Variants in MCC observed in about 807,000 individuals in gnomAD.
MCC encodes the protein MCC regulator of Wnt signaling pathway.
In MCC, 90 loss-of-function variants were observed where a neutral mutation model predicts 116.2. The observed-to-expected ratio is 0.77, with a 90% CI of 0.65 to 0.92. The LOEUF is 0.92. Among genes scored for constraint, MCC ranks in the 40% least tolerant of loss-of-function variants. The pLI, the probability that MCC is intolerant of heterozygous loss-of-function variation, is 0.00. For missense variants in MCC, 1,516 were observed against 1,312.2 expected (o/e 1.16, Z -2.40); for synonymous variants, 578 against 510.5 (o/e 1.13, Z -1.78).
rs1754533337 is a variant in MCC at position 113,077,419 on chromosome 5, C to G, written c.1784+5441G>C. Among the ~76,000 whole-genome samples the G allele has an allele frequency of 2.0e-5, 3 of 152,180 alleles. No individual in the cohort carries two copies. In the South Asian group the frequency reaches 6.2e-4, roughly 32 times the overall value. Reference sequence around the variant, plus strand: ...GTGTAGTTAGAAGGAAAGCACTCCTCAGCAAATGGAAAAGAATAGAAATTA... The same window carrying G: ...GTGTAGTTAGAAGGAAAGCACTCCTGAGCAAATGGAAAAGAATAGAAATTA... On this transcript the variant is annotated intron_variant, in intron 11 of 18. Transcript: ENST00000408903.
At chr5:113,092,977 G>A (rs901533076) in intron 8 of MCC, among the ~76,000 whole-genome samples, 1 of 152,162 alleles carries the variant, frequency 6.6e-6, no homozygotes, top group Non-Finnish European at 1.5e-5. Flanking sequence ...AAATGCAATA[G>A]GTGGGTCACT....
intron 3 of MCC, among the ~76,000 whole-genome samples, chr5:113,160,506 C>A (rs749100298): frequency 6.6e-6 from 1 of 152,158 alleles, no homozygotes; most frequent in East Asian, 1.9e-4. Flanking sequence ...GGAATTGAGA[C>A]TTAGAGGTTA....
intron 1 of MCC, among the ~76,000 whole-genome samples, chr5:113,441,466 C>T (rs1006236603): frequency 2.0e-5 from 3 of 152,034 alleles, no homozygotes; most frequent in South Asian, 2.1e-4. Context: ...TTCTAAGGGC[C>T]GCATGTGGTC....
chr5:113,372,305 CAGACAAA>C (rs1768854586), intron 2 of MCC, among the ~76,000 whole-genome samples: 1 of 152,180 alleles, frequency 6.6e-6, no homozygotes, highest in African/African-American at 2.4e-5. Context: ...GTGAAACACA[CAGACAAA>C]AGACAAAATC....
intron 1 of MCC, among the ~76,000 whole-genome samples, chr5:113,471,613 G>T (rs1278430565): frequency 1.3e-5 from 2 of 152,104 alleles, no homozygotes; most frequent in African/African-American, 4.8e-5. Flanking sequence ...CTACTCGGGG[G>T]TCAGGGACCC....
intron 8 of MCC, among the ~76,000 whole-genome samples, chr5:113,099,455 A>G (rs1035501992): frequency 3.3e-5 from 5 of 152,230 alleles, no homozygotes; most frequent in Non-Finnish European, 7.3e-5. Context: ...ATCACTCGAC[A>G]GGTAACTATA....
chr5:113,153,838 TC>T (rs1224804298), intron 3 of MCC, among the ~76,000 whole-genome samples: 1 of 152,112 alleles, frequency 6.6e-6, no homozygotes, highest in Non-Finnish European at 1.5e-5. Context: ...GGTACTGATG[TC>T]CCCGACTCCA....
Position 113,027,451 on chromosome 5 carries a change from T to C in MCC, c.2911A>G (p.Lys971Glu), listed in dbSNP as rs1458067550. ...TTCTTCAGTTTGTTTTGATGCTTTT[T>C]CTTTGCTTTCTCATAGGCAGCCACC... is the stretch of plus-strand genomic sequence containing the variant. Reference protein sequence around the residue: ...NLVAAYEKAKKKHQNKLKKLE... With the variant: ...NLVAAYEKAKEKHQNKLKKLE... The change falls in exon 19 of 19, where the codon AAA becomes GAA. Residue 971 changes from lysine (K) to glutamate (E), a missense_variant. By Grantham distance (56) the Lys-to-Glu change is moderately conservative. Coordinates refer to ENST00000408903, the MANE Select transcript of MCC (RefSeq NM_001085377.2). 3.1e-6 allele frequency: 5 copies of C among 1,614,106 alleles called. No homozygotes were observed. The highest frequency in any genetic ancestry group is 4.2e-6 in the Non-Finnish European group (5 of 1,180,048).
At chr5:113,056,314 G>C (rs1752829096) in intron 14 of MCC, among the ~76,000 whole-genome samples, 2 of 152,124 alleles carry the variant, frequency 1.3e-5, no homozygotes, top group South Asian at 4.1e-4. Flanking sequence ...CAAAGACATG[G>C]AATCAACCTA....
rs1337335706 is a variant in MCC, at chr5:113,434,269, G to A, written c.171-49057C>T. On this transcript the variant is annotated intron_variant, in intron 1 of 18. Transcript: ENST00000408903. This position sits in a 1 kb window ranked among gnomAD's most constrained non-coding sequence, Gnocchi z 4.2. ...ATGTCGTACACCTTGGGCTGGTAGG[G>A]AATGCCCTGCAGCACCTCTGGGGCC... 2.5e-6 allele frequency: 4 copies of A among 1,614,162 alleles called. No individual in the cohort carries two copies. Among genetic ancestry groups the A allele is most frequent in the East Asian group, 4.5e-5 (2 of 44,882 alleles).
intron 3 of MCC, among the ~76,000 whole-genome samples, chr5:113,199,927 T>A (rs1277481089): frequency 6.6e-6 from 1 of 152,222 alleles, no homozygotes; most frequent in Non-Finnish European, 1.5e-5. Flanking sequence ...GCTATTGATT[T>A]TGAAAGATAA....
At chr5:113,054,796 G>A (rs779842323) in intron 14 of MCC, among the ~76,000 whole-genome samples, 1 of 152,218 alleles carries the variant, frequency 6.6e-6, no homozygotes, top group African/African-American at 2.4e-5. Flanking sequence ...CCCCAGGCCT[G>A]TGGCAGCCCA....
intron 3 of MCC, among the ~76,000 whole-genome samples, chr5:113,284,257 G>A (rs1437043248): frequency 1.3e-5 from 2 of 152,190 alleles, no homozygotes; most frequent in Non-Finnish European, 2.9e-5. Context: ...GGCTGAGGTG[G>A]GACGATCACT....
At chr5:113,088,942 C>A (rs975411613) in intron 8 of MCC, among the ~76,000 whole-genome samples, 8 of 152,180 alleles carry the variant, frequency 5.3e-5, no homozygotes, top group Admixed American at 3.9e-4. Flanking sequence ...TGCCACTGCA[C>A]ACGGCTATTT....
At chr5:113,091,184 T>C (rs1200273962) in intron 8 of MCC, among the ~76,000 whole-genome samples, 2 of 152,154 alleles carry the variant, frequency 1.3e-5, no homozygotes, top group Non-Finnish European at 2.9e-5. Context: ...CACCTTTGGG[T>C]GTGAGGTCCA....
chr5:113,054,711 T>A (rs148387612), intron 14 of MCC, among the ~76,000 whole-genome samples: 2 of 152,088 alleles, frequency 1.3e-5, no homozygotes, highest in Non-Finnish European at 2.9e-5. Flanking sequence ...GTGTTCACTA[T>A]AGGGACTCGG....
chr5:113,152,164 G>C (rs148072003), intron 3 of MCC, among the ~76,000 whole-genome samples: 1 of 152,190 alleles, frequency 6.6e-6, no homozygotes, highest in Non-Finnish European at 1.5e-5. Flanking sequence ...ACTGGAGTTA[G>C]AAAGAATGTT....
chr5:113,061,547 T>C (rs1753218268), intron 14 of MCC, among the ~76,000 whole-genome samples: 1 of 152,246 alleles, frequency 6.6e-6, no homozygotes, highest in South Asian at 2.1e-4. Flanking sequence ...TTTTCAAAAA[T>C]GAAGTGGCAC....
intron 3 of MCC, among the ~76,000 whole-genome samples, chr5:113,254,705 G>T (rs192404372): frequency 1.3e-5 from 2 of 152,130 alleles, no homozygotes; most frequent in Admixed American, 1.3e-4. Context: ...CCATCTTTAT[G>T]GTGCATTTAT....
Sources: gnomAD v4.1 joint callset for allele counts (sites outside exome capture counted in the v4.1 genomes callset) on GRCh38, gnomAD v4.1.1 for gene constraint, Gnocchi (gnomAD v3.1) non-coding constraint, MANE v1.5 for transcripts, NCBI Gene and HGNC (gene_info 2026-07-23, HGNC 2026-07-21) for gene names.